Variants in OTUD7B observed in about 807,000 individuals in gnomAD.
The protein encoded by OTUD7B is OTU deubiquitinase 7B.
A neutral mutation model predicts 82.2 loss-of-function variants in OTUD7B; 34 were observed. The observed-to-expected ratio is 0.41, with a 90% CI of 0.31 to 0.55. The LOEUF (loss-of-function observed/expected upper bound fraction) is 0.55. Ranked by LOEUF, OTUD7B falls within the 20% of genes least tolerant of loss-of-function variation. OTUD7B has a pLI of 0.20. For synonymous variants in OTUD7B, 398 were observed against 402.7 expected (o/e 0.99, Z 0.14); for missense variants, 944 against 1,062.1 (o/e 0.89, Z 1.55).
chr1:150,042,258 C>T, the OTUD7B span, among the ~76,000 whole-genome samples: 1 of 151,422 alleles, frequency 6.6e-6, no homozygotes, highest in Non-Finnish European at 1.5e-5. Flanking sequence ...CTGCAACCTC[C>T]ATCTCCCAGG....
At chr1:150,041,406 C>A in the OTUD7B span, among the ~76,000 whole-genome samples, 2 of 152,188 alleles carry the variant, frequency 1.3e-5, no homozygotes, top group African/African-American at 4.8e-5. Context: ...CATCTCAGCT[C>A]ACTGCATCCT....
At chr1:150,013,640 C>T (rs1653165908), upstream of OTUD7B, among the ~76,000 whole-genome samples, 1 of 151,804 alleles carries the variant, frequency 6.6e-6, no homozygotes, top group South Asian at 2.1e-4. Context: ...ATCTAGGGCT[C>T]GGCTGGGAGC....
At chr1:150,023,502 G>C in the OTUD7B span, among the ~76,000 whole-genome samples, 10 of 152,312 alleles carry the variant, frequency 6.6e-5, no homozygotes, top group East Asian at 1.9e-3. Context: ...TGAACCTGAA[G>C]GACATAGGCT....
chr1:150,034,162 T>A, the OTUD7B span, among the ~76,000 whole-genome samples: 1 of 152,246 alleles, frequency 6.6e-6, no homozygotes, highest in Non-Finnish European at 1.5e-5. Flanking sequence ...CATTAGAATG[T>A]CTCTAAGCAG....
upstream of OTUD7B, among the ~76,000 whole-genome samples, chr1:150,014,120 C>T (rs1571757623): frequency 8.0e-6 from 1 of 124,280 alleles, no homozygotes; most frequent in South Asian, 2.5e-4. Flanking sequence ...GGGGCTCAGC[C>T]AGGCATGGTG....
At chr1:150,052,038 T>C in the OTUD7B span, among the ~76,000 whole-genome samples, 11 of 152,266 alleles carry the variant, frequency 7.2e-5, no homozygotes, top group South Asian at 1.9e-3. Flanking sequence ...TAATGAGTCA[T>C]CTATGACAAA....
chr1:149,953,146 G>GCCTAGGTTTTCTT lies in OTUD7B; in HGVS notation c.846-2938_846-2926dup, dbSNP rs1201213069. 5.9e-5 allele frequency among the ~76,000 whole-genome samples: 9 copies of GCCTAGGTTTTCTT among 152,182 alleles called. No homozygotes were observed. The South Asian group carries it at 1.0e-3, about 17-fold the overall frequency. On this transcript the variant is annotated intron_variant, in intron 7 of 11. Coordinates refer to ENST00000581312, the MANE Select transcript of OTUD7B (RefSeq NM_020205.4). ...CCATGCCTATGTCCTGAAGGGTATT[G>GCCTAGGTTTTCTT]CCTAGGTTTTCTTCTAGGGTTTTTA...
chr1:149,974,707 ACCCAG>A (rs1474671493), intron 2 of OTUD7B, among the ~76,000 whole-genome samples: 4 of 150,208 alleles, frequency 2.7e-5, no homozygotes, highest in Admixed American at 2.0e-4. Context: ...CCGCCACCAC[ACCCAG>A]CTAATTTTTG....
chr1:150,060,973 T>C, the OTUD7B span, among the ~76,000 whole-genome samples: 4 of 152,160 alleles, frequency 2.6e-5, no homozygotes, highest in Admixed American at 2.0e-4. Flanking sequence ...CAGGCTGGAC[T>C]GCAGTGGAAC....
intron 3 of OTUD7B, 115 bp downstream of exon 3, chr1:149,970,948 G>T: frequency 2.0e-6 from 2 of 988,100 alleles, no homozygotes; most frequent in Non-Finnish European, 2.9e-6. Flanking sequence ...GGGTTTGGCT[G>T]GGAGAAGGGG....
At chr1:150,006,126 A>G (rs1652645517) in intron 1 of OTUD7B, among the ~76,000 whole-genome samples, 1 of 152,214 alleles carries the variant, frequency 6.6e-6, no homozygotes, top group Non-Finnish European at 1.5e-5. Context: ...CAATATTAGT[A>G]TGATCCCCAA....
At chr1:149,950,438 T>C (rs1028370274) in intron 7 of OTUD7B, among the ~76,000 whole-genome samples, 22 of 152,304 alleles carry the variant, frequency 1.4e-4, no homozygotes, top group Non-Finnish European at 2.6e-4. Flanking sequence ...AGAAAAGAGA[T>C]TTGAAGGCTC....
At chr1:150,000,682 T>G (rs1652221563) in intron 1 of OTUD7B, among the ~76,000 whole-genome samples, 1 of 151,918 alleles carries the variant, frequency 6.6e-6, no homozygotes, top group South Asian at 2.1e-4. Flanking sequence ...ATGTTGCCTA[T>G]GAATACATAT....
At chr1:149,961,667 T>C (rs1225393629) in intron 6 of OTUD7B, 3 of 152,262 alleles carry the variant, frequency 2.0e-5, no homozygotes, top group Admixed American at 1.3e-4. Flanking sequence ...TTAACTGCTA[T>C]AGAGACGTCT....
the OTUD7B span, among the ~76,000 whole-genome samples, chr1:150,051,074 C>CA: frequency 5.3e-5 from 8 of 151,324 alleles, no homozygotes; most frequent in African/African-American, 1.9e-4. Flanking sequence ...ACTAAAAATA[C>CA]AAAAATTAGC....
chr1:149,964,668 A>C (rs1571637945), intron 5 of OTUD7B, among the ~76,000 whole-genome samples: 1 of 152,064 alleles, frequency 6.6e-6, no homozygotes, highest in South Asian at 2.1e-4. Context: ...TTCTTGGCTT[A>C]CCGCAACTTC....
At chr1:149,968,806 G>A (rs587599893) in intron 3 of OTUD7B, among the ~76,000 whole-genome samples, 1 of 152,106 alleles carries the variant, frequency 6.6e-6, no homozygotes, top group African/African-American at 2.4e-5. Context: ...TGCCTCCCAG[G>A]TTCAAGGGAT....
chr1:149,982,252 GA>G (rs1426065707), intron 1 of OTUD7B, among the ~76,000 whole-genome samples: 1 of 150,124 alleles, frequency 6.7e-6, no homozygotes, highest in Non-Finnish European at 1.5e-5. Flanking sequence ...TATAAACAGA[GA>G]AAAAAAAAGA....
chr1:149,980,690 C>T (rs1161711879), intron 1 of OTUD7B, among the ~76,000 whole-genome samples: 1 of 150,992 alleles, frequency 6.6e-6, no homozygotes, highest in Non-Finnish European at 1.5e-5. Context: ...CCAGCCTGGG[C>T]GACAGAGCAA....
Sources: allele counts gnomAD v4.1 joint callset (sites outside exome capture counted in the v4.1 genomes callset), GRCh38; gene constraint gnomAD v4.1.1; transcripts MANE v1.5; gene names NCBI Gene and HGNC (gene_info 2026-07-23, HGNC 2026-07-21).